ZNF140: variants seen among roughly 807,000 people sequenced by gnomAD.
The protein encoded by ZNF140 is zinc finger protein 140 (clone pHZ-39).
ZNF140 carries 13 observed loss-of-function variants against 12.9 expected under a neutral mutation model. That is an observed-to-expected ratio of 1.01 (90% CI 0.66 to 1.60). The LOEUF (loss-of-function observed/expected upper bound fraction) is 1.60. Among genes scored for constraint, ZNF140 ranks in the 40% most tolerant of loss-of-function variants. ZNF140 has a pLI of 0.00. For synonymous variants in ZNF140, 214 were observed against 186.7 expected (o/e 1.15, Z -1.19); for missense variants, 531 against 548.8 (o/e 0.97, Z 0.32).
chr12:133,098,364 G>A (rs1251740678), intron 4 of ZNF140, among the ~76,000 whole-genome samples: 3 of 151,728 alleles, frequency 2.0e-5, no homozygotes, highest in Admixed American at 2.0e-4. Flanking sequence ...AACCTCCATA[G>A]TAGCTGGGAT....
chr12:133,098,939 A>G (rs3013781), intron 4 of ZNF140, among the ~76,000 whole-genome samples: 8,767 of 148,360 alleles, frequency 0.059, 365 homozygotes, highest in African/African-American at 0.12. Context: ...GCTGGAGTGC[A>G]GTGGCACTAT....
intron 4 of ZNF140, among the ~76,000 whole-genome samples, chr12:133,088,003 G>A (rs1274516975): frequency 6.6e-6 from 1 of 151,848 alleles, no homozygotes; most frequent in Non-Finnish European, 1.5e-5. Flanking sequence ...GGTGGTGTGC[G>A]CCTGTAATCC....
At chr12:133,096,181 G>A (rs940875055) in intron 4 of ZNF140, among the ~76,000 whole-genome samples, 4 of 149,588 alleles carry the variant, frequency 2.7e-5, no homozygotes, top group East Asian at 1.9e-4. Flanking sequence ...TGCAGTGCAT[G>A]TGCCCCTGGT....
intron 4 of ZNF140, among the ~76,000 whole-genome samples, chr12:133,097,046 A>T (rs897463422): frequency 9.2e-5 from 14 of 152,224 alleles, no homozygotes; most frequent in Non-Finnish European, 2.1e-4. Flanking sequence ...TGTTAGGCAC[A>T]TGCACACTAA....
At position 133,083,552 on chromosome 12, in the gene ZNF140, C is replaced by T. The variant is rs1954571480; in HGVS notation, c.223C>T (p.Leu75=). 6.2e-7 allele frequency: 1 copy of T among 1,613,882 alleles called. No individual in the cohort carries two copies. Among genetic ancestry groups the T allele is most frequent in the Non-Finnish European group, 8.5e-7 (1 of 1,179,926 alleles). ...GGGGAAAAGGGAAGTGAAAAGAGAT[C>T]TGTTTTCAGGTGAGTGAGTTGGAAG... The part of the protein sequence containing the change: ...WLGKREVKRD[L]FSVSESSGEI... The change falls in exon 4 of 5, where the codon CTG becomes TTG. Residue 75 remains leucine, a synonymous_variant. Transcript: ENST00000355557.
At chr12:133,101,926 C>G (rs1166873595) in intron 4 of ZNF140, among the ~76,000 whole-genome samples, 1 of 151,940 alleles carries the variant, frequency 6.6e-6, no homozygotes, top group Non-Finnish European at 1.5e-5. Flanking sequence ...CCGTATCTGT[C>G]TCAGATTCTG....
At position 133,107,241 on chromosome 12, in the gene ZNF140, T is replaced by C. The variant is rs1955632646; in HGVS notation, c.*590T>C. ...GACTTTCTGCAATATTTCAAACCTATATCAGAGAATTACACTGTGGGAAAA... is the reference window on the plus strand; with the variant it reads ...GACTTTCTGCAATATTTCAAACCTACATCAGAGAATTACACTGTGGGAAAA... On this transcript the variant is annotated 3_prime_UTR_variant, in exon 5 of 5. Coordinates refer to ENST00000355557, the MANE Select transcript of ZNF140 (RefSeq NM_003440.4). 1 of 152,222 alleles carries C rather than the reference T, an allele frequency of 6.6e-6. No homozygotes were observed. The highest frequency in any genetic ancestry group is 2.4e-5 in the African/African-American group (1 of 41,450). The allele number at this position is 152,222 out of a possible 1,614,324, so 9.4% of individuals were successfully genotyped here.
At chr12:133,103,637 T>C (rs1955448558) in intron 4 of ZNF140, among the ~76,000 whole-genome samples, 1 of 152,090 alleles carries the variant, frequency 6.6e-6, no homozygotes, top group Admixed American at 6.6e-5. Flanking sequence ...CCCAGTAAGT[T>C]TCCTTGAAGC....
intron 4 of ZNF140, among the ~76,000 whole-genome samples, chr12:133,086,951 A>G (rs1954696152): frequency 6.6e-6 from 1 of 152,220 alleles, no homozygotes; most frequent in Admixed American, 6.5e-5. Flanking sequence ...GTATGTTTCT[A>G]GGTTCTCAAT....
intron 4 of ZNF140, among the ~76,000 whole-genome samples, chr12:133,095,314 G>T (rs78477117): frequency 1.3e-5 from 2 of 151,006 alleles, no homozygotes; most frequent in Middle Eastern, 3.4e-3. Flanking sequence ...ATATTTACTT[G>T]CAGTTTGCCC....
rs1955011719 is a variant in ZNF140, at chr12:133,094,818, C to T, written c.233-10692C>T. 2.0e-5 allele frequency among the ~76,000 whole-genome samples: 3 copies of T among 151,368 alleles called. 1 individual carries two copies. Among genetic ancestry groups the T allele is most frequent in the African/African-American group, 7.3e-5 (3 of 40,948 alleles). On this transcript the variant is annotated intron_variant, in intron 4 of 4. Coordinates refer to ENST00000355557, the MANE Select transcript of ZNF140 (RefSeq NM_003440.4). Reference sequence around the variant, plus strand: ...GAGGAGGTGGCCATCGTGCTTTTAACCCCAACAGCCCTGATGGTTCTGGAC... The same window carrying T: ...GAGGAGGTGGCCATCGTGCTTTTAATCCCAACAGCCCTGATGGTTCTGGAC...
At chr12:133,093,461 C>T (rs1206221584) in intron 4 of ZNF140, 2 of 699,422 alleles carry the variant, frequency 2.9e-6, no homozygotes, top group South Asian at 1.5e-5. Context: ...GGGCCCATGT[C>T]GACGGCTCCG....
chr12:133,085,315 G>A (rs1367482661), intron 4 of ZNF140, among the ~76,000 whole-genome samples: 5 of 152,194 alleles, frequency 3.3e-5, no homozygotes, highest in Non-Finnish European at 7.3e-5. Flanking sequence ...GAGCCACTGT[G>A]CCTGGCCTAA....
rs927367565 is a variant in ZNF140 at position 133,107,058 on chromosome 12, GAGCTT to G, written c.*408_*412del. Reference sequence around the variant, plus strand: ...AGGACAGAAAGCATGGACAAGGGATGAGCTTTACAAAGATGATGCACTTTGGAGAT... The same window carrying G: ...AGGACAGAAAGCATGGACAAGGGATGTACAAAGATGATGCACTTTGGAGAT... On this transcript the variant is annotated 3_prime_UTR_variant, in exon 5 of 5. Transcript: ENST00000355557. 1 of 156,410 alleles carries G rather than the reference GAGCTT, an allele frequency of 6.4e-6. No homozygotes were observed. Among genetic ancestry groups the G allele is most frequent in the Non-Finnish European group, 1.4e-5 (1 of 70,946 alleles). The allele number at this position is 156,410 out of a possible 1,614,324, so 9.7% of individuals were successfully genotyped here.
chr12:133,097,855 G>T (rs1195280234), intron 4 of ZNF140, among the ~76,000 whole-genome samples: 2 of 149,648 alleles, frequency 1.3e-5, no homozygotes, highest in Non-Finnish European at 3.0e-5. Context: ...GTGTGTTTTT[G>T]AGATGAAGTC....
rs1024291347 is a variant in ZNF140 at position 133,090,952 on chromosome 12, T to C, written c.232+7391T>C. Among the ~76,000 whole-genome samples, 62 of 146,330 alleles carry C rather than the reference T, an allele frequency of 4.2e-4. 1 individual carries two copies. Among genetic ancestry groups the C allele is most frequent in the African/African-American group, 1.4e-3 (54 of 39,412 alleles). The stretch of plus-strand genomic sequence containing the variant: ...TGCAAACATATCTCGCCTCCCACCA[T>C]AGGGCGGTTTTGCTACTATCTCAGA... On this transcript the variant is annotated intron_variant, in intron 4 of 4. Coordinates refer to ENST00000355557, the MANE Select transcript of ZNF140 (RefSeq NM_003440.4).
At position 133,093,618 on chromosome 12, in the gene ZNF140, C is replaced by T; in HGVS notation, c.232+10057C>T. 4.8e-6 allele frequency: 3 copies of T among 618,670 alleles called. No individual in the cohort carries two copies. In the East Asian group the frequency reaches 8.4e-5, roughly 17 times the overall value. The allele number at this position is 618,670 out of a possible 1,614,324, so 38.3% of individuals were successfully genotyped here. On this transcript the variant is annotated intron_variant, in intron 4 of 4. Transcript: ENST00000355557. ...TGTTTTATTTTTGTTGTCTTTCCAC[C>T]AAATTAGTTTTCCCTCATGTGGGCT...
At chr12:133,084,093 T>C (rs904139135) in intron 4 of ZNF140, 9 of 413,474 alleles carry the variant, frequency 2.2e-5, no homozygotes, top group South Asian at 9.0e-5. Context: ...TCTCACCTTA[T>C]ACTTTCTTTT....
At chr12:133,094,912 G>T (rs73160475) in intron 4 of ZNF140, among the ~76,000 whole-genome samples, 1 of 151,302 alleles carries the variant, frequency 6.6e-6, no homozygotes, top group African/African-American at 2.4e-5. Flanking sequence ...AACATTTTGC[G>T]TTGACCGAGC....
Sources: allele counts gnomAD v4.1 joint callset (sites outside exome capture counted in the v4.1 genomes callset), GRCh38; gene constraint gnomAD v4.1.1; transcripts MANE v1.5; gene names NCBI Gene and HGNC (gene_info 2026-07-23, HGNC 2026-07-21).